Variants in GRID2 observed in about 807,000 individuals in gnomAD.
GRID2 encodes glutamate ionotropic receptor delta type subunit 2.
In GRID2, 33 loss-of-function variants were observed where a neutral mutation model predicts 114.8. The observed-to-expected ratio is 0.29, with a 90% confidence interval of 0.22 to 0.38. GRID2 has a LOEUF of 0.38. GRID2 is among the 10% of genes least tolerant of loss of function. GRID2 has a pLI of 1.00. For missense variants in GRID2, 1,184 were observed against 1,257.7 expected (o/e 0.94, Z 0.89); for synonymous variants, 505 against 449.9 (o/e 1.12, Z -1.55).
At chr4:93,543,689 A>G (rs1364125175) in intron 13 of GRID2, among the ~76,000 whole-genome samples, 6 of 145,714 alleles carry the variant, frequency 4.1e-5, no homozygotes, top group South Asian at 2.2e-4. Flanking sequence ...AACAAGAGCA[A>G]GAGTGAGAGT....
At chr4:92,795,063 C>G (rs994066309) in intron 2 of GRID2, among the ~76,000 whole-genome samples, 18 of 151,500 alleles carry the variant, frequency 1.2e-4, no homozygotes, top group African/African-American at 4.1e-4. Flanking sequence ...ATCATCTTCA[C>G]ATTGAAAAGG....
chr4:93,178,333 A>G (rs986153802), intron 4 of GRID2, among the ~76,000 whole-genome samples: 1 of 147,226 alleles, frequency 6.8e-6, no homozygotes, highest in Non-Finnish European at 1.5e-5. Flanking sequence ...CAAACTGAGG[A>G]TCATTTTTTT....
At chr4:92,816,818 C>T (rs1198898801) in intron 2 of GRID2, among the ~76,000 whole-genome samples, 1 of 152,208 alleles carries the variant, frequency 6.6e-6, no homozygotes, top group Non-Finnish European at 1.5e-5. Flanking sequence ...ACTTACAAAG[C>T]TCTGCTGTAT....
intron 2 of GRID2, among the ~76,000 whole-genome samples, chr4:92,889,231 C>A (rs1050140768): frequency 6.6e-6 from 1 of 151,936 alleles, no homozygotes; most frequent in African/African-American, 2.4e-5. Flanking sequence ...TCAGTAGATA[C>A]GTTCACCATT....
At chr4:92,757,281 A>G (rs545171167) in intron 2 of GRID2, among the ~76,000 whole-genome samples, 4 of 152,102 alleles carry the variant, frequency 2.6e-5, no homozygotes, top group Admixed American at 6.6e-5. Flanking sequence ...AACAGAATCT[A>G]TGTACTCAGT....
intron 9 of GRID2, 31 bp downstream of exon 9, chr4:93,395,739 C>A: frequency 1.1e-6 from 1 of 921,166 alleles, no homozygotes; most frequent in Non-Finnish European, 1.8e-6. Flanking sequence ...GTGGTTTTGA[C>A]TTTTGGAGGT....
At chr4:92,893,352 A>G (rs1425894713) in intron 2 of GRID2, among the ~76,000 whole-genome samples, 1 of 152,184 alleles carries the variant, frequency 6.6e-6, no homozygotes, top group Non-Finnish European at 1.5e-5. Context: ...AGAACTCTTT[A>G]TTCCATATTG....
chr4:93,716,468 G>T (rs1218145038), intron 14 of GRID2, among the ~76,000 whole-genome samples: 1 of 151,972 alleles, frequency 6.6e-6, no homozygotes, highest in Non-Finnish European at 1.5e-5. Flanking sequence ...CAACACTATT[G>T]TCAACAGAAT....
intron 14 of GRID2, among the ~76,000 whole-genome samples, chr4:93,724,283 G>A (rs1254178957): frequency 2.6e-5 from 4 of 152,168 alleles, no homozygotes; most frequent in Non-Finnish European, 5.9e-5. Flanking sequence ...CTGAGGTGGA[G>A]TAGAGACAAT....
At chr4:92,976,263 A>G (rs1449211267) in intron 2 of GRID2, among the ~76,000 whole-genome samples, 1 of 152,124 alleles carries the variant, frequency 6.6e-6, no homozygotes, top group African/African-American at 2.4e-5. Flanking sequence ...ACATATGTGA[A>G]AAAATGAATA....
intron 13 of GRID2, among the ~76,000 whole-genome samples, chr4:93,527,671 T>C (rs1731044847): frequency 1.3e-5 from 2 of 152,120 alleles, no homozygotes; most frequent in African/African-American, 4.8e-5. Context: ...AAATTTTTAT[T>C]GAAATTTTAA....
chr4:92,529,274 TGAGA>T (rs548524431), intron 1 of GRID2, among the ~76,000 whole-genome samples: 3 of 150,142 alleles, frequency 2.0e-5, no homozygotes, highest in African/African-American at 4.9e-5. Flanking sequence ...TACAATGTAG[TGAGA>T]GAGAGAGAGA....
chr4:93,316,005 T>G (rs1007552896), intron 8 of GRID2, among the ~76,000 whole-genome samples: 1 of 152,046 alleles, frequency 6.6e-6, no homozygotes, highest in Non-Finnish European at 1.5e-5. Flanking sequence ...GAATGTAGTT[T>G]TTGATGAGGA....
intron 2 of GRID2, among the ~76,000 whole-genome samples, chr4:92,929,169 A>G (rs981014460): frequency 1.3e-5 from 2 of 151,432 alleles, no homozygotes; most frequent in Non-Finnish European, 3.0e-5. Context: ...CATCAGCATC[A>G]GCTTTAAAAG....
chr4:93,293,746 T>G (rs1753990909), intron 8 of GRID2, among the ~76,000 whole-genome samples: 1 of 152,242 alleles, frequency 6.6e-6, no homozygotes, highest in Non-Finnish European at 1.5e-5. Flanking sequence ...TTCTTTTATT[T>G]GTTCATATTG....
intron 1 of GRID2, among the ~76,000 whole-genome samples, chr4:92,382,501 GA>G (rs1421840756): frequency 6.6e-6 from 1 of 151,986 alleles, no homozygotes; most frequent in Non-Finnish European, 1.5e-5. Context: ...AAGAATAGTT[GA>G]AAAATGTAGG....
chr4:92,331,387 T>A (rs1726882253), intron 1 of GRID2, among the ~76,000 whole-genome samples: 1 of 152,162 alleles, frequency 6.6e-6, no homozygotes, highest in Non-Finnish European at 1.5e-5. Context: ...TAGCTGAGCA[T>A]TGATCTGTCT....
At chr4:92,774,255 G>A (rs1254271731) in intron 2 of GRID2, among the ~76,000 whole-genome samples, 1 of 151,902 alleles carries the variant, frequency 6.6e-6, no homozygotes, top group Non-Finnish European at 1.5e-5. Context: ...TGGAGGGAGA[G>A]CATTCCAAGG....
chr4:93,130,125 A>G (rs1222747666), intron 4 of GRID2, among the ~76,000 whole-genome samples: 1 of 152,110 alleles, frequency 6.6e-6, no homozygotes, highest in African/African-American at 2.4e-5. Flanking sequence ...GACAGGCGGG[A>G]GACCCAAATG....
Sources: allele counts gnomAD v4.1 joint callset (sites outside exome capture counted in the v4.1 genomes callset), GRCh38; gene constraint gnomAD v4.1.1; transcripts MANE v1.5; gene names NCBI Gene and HGNC (gene_info 2026-07-23, HGNC 2026-07-21).